Variants in DOCK2 observed in about 807,000 individuals in gnomAD.
DOCK2 encodes dedicator of cytokinesis 2.
In DOCK2, 87 loss-of-function variants were observed where a neutral mutation model predicts 248.9. That is an observed-to-expected ratio of 0.35 (90% CI 0.29 to 0.42). DOCK2 has a LOEUF of 0.42. Among genes scored for constraint, DOCK2 ranks in the 10% least tolerant of loss-of-function variants. DOCK2 has a pLI of 1.00. For missense variants in DOCK2, 1,747 were observed against 2,300.2 expected (o/e 0.76, Z 4.92); for synonymous variants, 805 against 821.6 (o/e 0.98, Z 0.35).
intron 35 of DOCK2, among the ~76,000 whole-genome samples, chr5:170,035,195 G>A (rs762354314): frequency 4.6e-5 from 7 of 152,154 alleles, no homozygotes; most frequent in Non-Finnish European, 7.4e-5. Context: ...TCTGTGATTC[G>A]ACCAGGAGAC....
At chr5:169,824,197 C>T (rs1416045705) in intron 26 of DOCK2, among the ~76,000 whole-genome samples, 3 of 152,008 alleles carry the variant, frequency 2.0e-5, no homozygotes, top group African/African-American at 7.3e-5. Context: ...CCATACTGCC[C>T]AAGGTAATTT....
intron 27 of DOCK2, among the ~76,000 whole-genome samples, chr5:169,859,991 G>C (rs1771105889): frequency 8.6e-6 from 1 of 115,888 alleles, no homozygotes; most frequent in Non-Finnish European, 1.7e-5. Context: ...TTTTTTTTGA[G>C]ACAGACTATT....
chr5:169,749,548 C>CT (rs1455038313), intron 23 of DOCK2, among the ~76,000 whole-genome samples: 4 of 152,080 alleles, frequency 2.6e-5, no homozygotes, highest in Non-Finnish European at 4.4e-5. Context: ...AGGGATACGT[C>CT]TTAAGGTTTC....
At chr5:169,960,232 G>A (rs1211919590) in intron 27 of DOCK2, among the ~76,000 whole-genome samples, 1 of 152,224 alleles carries the variant, frequency 6.6e-6, no homozygotes, top group African/African-American at 2.4e-5. Flanking sequence ...ACAGAAAGCT[G>A]TGTATGCCTT....
intron 25 of DOCK2, among the ~76,000 whole-genome samples, chr5:169,777,503 C>G (rs1427337307): frequency 6.6e-6 from 1 of 152,178 alleles, no homozygotes; most frequent in Non-Finnish European, 1.5e-5. Context: ...TATCCAAAGG[C>G]AAATGAGACT....
At chr5:169,838,756 A>G (rs1423738275) in intron 26 of DOCK2, among the ~76,000 whole-genome samples, 3 of 152,192 alleles carry the variant, frequency 2.0e-5, no homozygotes, top group Admixed American at 1.3e-4. Flanking sequence ...CAAAAGCTCC[A>G]GTGGCAGAGG....
intron 26 of DOCK2, among the ~76,000 whole-genome samples, chr5:169,822,754 G>A (rs1768551200): frequency 6.6e-6 from 1 of 152,118 alleles, no homozygotes. Flanking sequence ...CAGAAGGCAA[G>A]AAATAACTAA....
intron 25 of DOCK2, among the ~76,000 whole-genome samples, chr5:169,784,517 G>A (rs2113021512): frequency 6.6e-6 from 1 of 152,272 alleles, no homozygotes; most frequent in East Asian, 1.9e-4. Flanking sequence ...ATTTTCCTTG[G>A]CATGAAAGAT....
chr5:169,918,774 G>T lies in DOCK2; in HGVS notation c.2800-64294G>T, dbSNP rs548431170. On this transcript the variant is annotated intron_variant, in intron 27 of 51. Coordinates refer to ENST00000520908, the MANE Select transcript of DOCK2 (RefSeq NM_004946.3). ...CTAAAAATACAAAAATTAACCAGGC[G>T]TGGTGGCAGGTACCAGTAATCCCAG... Among the ~76,000 whole-genome samples the T allele has an allele frequency of 1.2e-4, 19 of 152,224 alleles. No homozygotes were observed. The South Asian group carries it at 3.9e-3, about 32-fold the overall frequency.
At chr5:169,698,710 G>A (rs570604859) in intron 11 of DOCK2, among the ~76,000 whole-genome samples, 1 of 152,386 alleles carries the variant, frequency 6.6e-6, no homozygotes, top group African/African-American at 2.4e-5. Context: ...GCTAGGTGTG[G>A]AGGATGAAGT....
chr5:169,716,166 A>G lies in DOCK2; in HGVS notation c.1942-47A>G, dbSNP rs928830340. ...GGAGTGGGATTGCTGGTTCACCTGT[A>G]CTTTGTCTTGTTTCTGAAGTAGTGC... On this transcript the variant is annotated intron_variant, in intron 19 of 51. Coordinates refer to ENST00000520908, the MANE Select transcript of DOCK2 (RefSeq NM_004946.3). The G allele has an allele frequency of 1.9e-6, 3 of 1,549,570 alleles. No homozygotes were observed. The African/African-American group carries it at 4.1e-5, about 21-fold the overall frequency.
At chr5:170,016,195 A>G (rs77697465) in intron 32 of DOCK2, among the ~76,000 whole-genome samples, 8,244 of 152,254 alleles carry the variant, frequency 0.054, 278 homozygotes, top group Middle Eastern at 0.21. Flanking sequence ...TGGCACTTTA[A>G]TAGCCTTTTC....
chr5:169,926,193 T>C (rs1262536917), intron 27 of DOCK2, among the ~76,000 whole-genome samples: 1 of 152,096 alleles, frequency 6.6e-6, no homozygotes, highest in Non-Finnish European at 1.5e-5. Flanking sequence ...TGTGGATAGG[T>C]AGACGCAGGC....
At chr5:169,859,959 T>TA (rs1771099544) in intron 27 of DOCK2, among the ~76,000 whole-genome samples, 1 of 27,836 alleles carries the variant, frequency 3.6e-5, no homozygotes, top group Admixed American at 4.2e-4. Flanking sequence ...TGGATCCTTC[T>TA]TTTTTTTTTT....
At chr5:169,815,984 T>TG (rs1436405964) in intron 26 of DOCK2, among the ~76,000 whole-genome samples, 1 of 152,212 alleles carries the variant, frequency 6.6e-6, no homozygotes, top group African/African-American at 2.4e-5. Context: ...AAACCTTCAC[T>TG]GGGGCAGCCA....
chr5:169,753,169 A>C (rs1561664086), intron 23 of DOCK2, among the ~76,000 whole-genome samples: 1 of 152,206 alleles, frequency 6.6e-6, no homozygotes, highest in African/African-American at 2.4e-5. Flanking sequence ...AGCTCAATTG[A>C]TCTTTGTAAC....
In DOCK2 at chr5:169,674,411, C is replaced by T. The variant is rs1265818126; in HGVS notation, c.436C>T (p.Gln146Ter). Reference protein sequence around the residue: ...LPKDELKELKQKVTSKIDYGN... With the variant: ...LPKDELKELK ...CAAGGATGAGCTGAAGGAACTGAAG[C>T]AGAAAGTCACGTCCAAAATTGACTA... Residue 146 changes from glutamine to a stop codon, truncating the protein, a stop_gained, in exon 6 of 52, where the codon CAG becomes TAG. Coordinates refer to ENST00000520908, the MANE Select transcript of DOCK2 (RefSeq NM_004946.3). LOFTEE classifies it high-confidence loss of function. 1 of 1,614,030 alleles carries T rather than the reference C, an allele frequency of 6.2e-7. No homozygotes were observed. The highest frequency in any genetic ancestry group is 8.5e-7 in the Non-Finnish European group (1 of 1,179,992).
chr5:170,047,649 G>T (rs2113850036), intron 40 of DOCK2, 35 bp downstream of exon 40: 1 of 1,582,230 alleles, frequency 6.3e-7, no homozygotes, highest in East Asian at 2.2e-5. Flanking sequence ...CCAGGCGAGA[G>T]CCCCAGGGCC....
chr5:169,894,326 C>T (rs1773466761), intron 27 of DOCK2, among the ~76,000 whole-genome samples: 1 of 152,130 alleles, frequency 6.6e-6, no homozygotes, highest in Admixed American at 6.5e-5. Flanking sequence ...AGCTGGGTGC[C>T]TCTTAGAGGT....
Sources: gnomAD v4.1 joint callset for allele counts (sites outside exome capture counted in the v4.1 genomes callset) on GRCh38, gnomAD v4.1.1 for gene constraint, MANE v1.5 for transcripts, NCBI Gene and HGNC (gene_info 2026-07-23, HGNC 2026-07-21) for gene names.